The following PSG6 variants were observed in gnomAD, a reference collection of about 807,000 sequenced individuals.
PSG6 encodes the protein pregnancy-specific beta-1-glycoprotein 6.
PSG6 carries 51 observed loss-of-function variants against 43.3 expected under a neutral mutation model. The ratio of observed to expected loss-of-function variants is 1.18; its 90% CI spans 0.94 to 1.49. PSG6 has a LOEUF of 1.49. Among genes scored for constraint, PSG6 ranks in the 40% most tolerant of loss-of-function variants. The pLI, the probability that PSG6 is intolerant of heterozygous loss-of-function variation, is 0.00. For synonymous variants in PSG6, 292 were observed against 197.6 expected, an observed-to-expected ratio of 1.48 and a Z score of -4.01; for missense variants, 770 against 522.2, an observed-to-expected ratio of 1.47 and a Z score of -4.62.
intron 2 of PSG6, chr19:42,915,886 C>T (rs1466037579): frequency 6.6e-6 from 4 of 605,624 alleles, no homozygotes; most frequent in East Asian, 6.3e-5. Flanking sequence ...CTGCTGAGTC[C>T]CCCCATCAGA....
At chr19:42,905,097 C>A (rs1342794747) in intron 5 of PSG6, among the ~76,000 whole-genome samples, 4 of 151,488 alleles carry the variant, frequency 2.6e-5, no homozygotes, top group Non-Finnish European at 4.4e-5. Context: ...AAGAGTGGAA[C>A]CTTTACCTAA....
intron 1 of PSG6, among the ~76,000 whole-genome samples, chr19:42,916,911 T>C (rs1371000198): frequency 6.6e-6 from 1 of 151,418 alleles, no homozygotes; most frequent in Non-Finnish European, 1.5e-5. Context: ...TGTCAACACC[T>C]GACCTCACAT....
Position 42,907,843 on chromosome 19 carries a change from T to G in PSG6, c.718A>C (p.Met240Leu). Residue 240 changes from methionine to leucine, a missense_variant, in exon 4 of 6, where the codon ATG becomes CTG. Physicochemically the swap from Met to Leu is conservative, Grantham distance 15. Transcript: ENST00000187910. ...VTLNLLPKLP[M>L]PYITINNLNP... ...AAGTTGTTGATGGTGATGTAAGGCA[T>G]GGGCAGCTTCGCTGTGTGGATAACA... is the stretch of plus-strand genomic sequence containing the variant. 1 of 1,611,382 alleles carries G rather than the reference T, an allele frequency of 6.2e-7. No individual in the cohort carries two copies. Among genetic ancestry groups the G allele is most frequent in the Non-Finnish European group, 8.5e-7 (1 of 1,179,024 alleles).
rs760600187 is a variant in PSG6 at position 42,916,187 on chromosome 19, T to C, written c.365A>G (p.His122Arg). Residue 122 changes from histidine (H) to arginine (R), a missense_variant, in exon 2 of 6, where the codon CAC (histidine) becomes CGC (arginine). Transcript: ENST00000187910. ...AGTCCCATCGCCTCGCTTTATGATG[T>C]GTAAGGTGTAGGATCCTGCATCCTC... Reference protein sequence around the residue: ...TQEDAGSYTLHIIKRGDGTGG... With the variant: ...TQEDAGSYTLRIIKRGDGTGG... 7.4e-6 allele frequency: 12 copies of C among 1,612,148 alleles called. No homozygotes were observed. Among genetic ancestry groups the C allele is most frequent in the Admixed American group, 3.3e-5 (2 of 59,912 alleles).
intron 2 of PSG6, among the ~76,000 whole-genome samples, chr19:42,914,512 C>T (rs1444279138): frequency 2.1e-5 from 3 of 143,132 alleles, no homozygotes; most frequent in East Asian, 2.4e-4. Context: ...GGACCAGGTG[C>T]CCCCAGCTCC....
intron 1 of PSG6, among the ~76,000 whole-genome samples, chr19:42,917,414 C>T (rs562651021): frequency 3.6e-5 from 5 of 140,142 alleles, no homozygotes; most frequent in Admixed American, 1.5e-4. Flanking sequence ...CCCAGGCTGG[C>T]GTGCAGTGGT....
intron 3 of PSG6, among the ~76,000 whole-genome samples, chr19:42,908,928 T>C (rs1972168627): frequency 6.6e-6 from 1 of 151,564 alleles, no homozygotes; most frequent in African/African-American, 2.4e-5. Flanking sequence ...TGTTCATGGG[T>C]GTGCAGTTTC....
intron 5 of PSG6, chr19:42,903,741 C>G: frequency 6.6e-7 from 1 of 1,505,830 alleles, no homozygotes; most frequent in Non-Finnish European, 8.9e-7. Flanking sequence ...AAAAAAAAAC[C>G]AATTAGCTGG....
chr19:42,911,169 C>A (rs1285375726), intron 2 of PSG6, among the ~76,000 whole-genome samples: 1 of 151,558 alleles, frequency 6.6e-6, no homozygotes, highest in Non-Finnish European at 1.5e-5. Context: ...TCTCCAACTG[C>A]CTGCCTGGCC....
rs1433852201 is a variant in PSG6, at chr19:42,917,856, C to T, written c.-64G>A. ...GCCTAGGATCCAGAGACTTCCTGAGCAGGGCTGTCAGGTGTGCTGTCCTTC... is the reference window on the plus strand; with the variant it reads ...GCCTAGGATCCAGAGACTTCCTGAGTAGGGCTGTCAGGTGTGCTGTCCTTC... On this transcript the variant is annotated 5_prime_UTR_variant, in exon 1 of 6. Transcript: ENST00000187910. 2.8e-5 allele frequency: 43 copies of T among 1,559,822 alleles called. 1 individual carries two copies. The highest frequency in any genetic ancestry group is 3.7e-5 in the Non-Finnish European group (42 of 1,145,046).
At chr19:42,915,885 C>T (rs571752246) in intron 2 of PSG6, 11 of 602,552 alleles carry the variant, frequency 1.8e-5, no homozygotes, top group South Asian at 1.4e-4. Context: ...CCTGCTGAGT[C>T]CCCCCATCAG....
chr19:42,906,419 C>T (rs45552639), intron 5 of PSG6, among the ~76,000 whole-genome samples: 1 of 151,418 alleles, frequency 6.6e-6, no homozygotes, highest in Non-Finnish European at 1.5e-5. Flanking sequence ...AGGGCCAGGC[C>T]AGTCACCAGA....
chr19:42,907,712 C>A lies in PSG6; in HGVS notation c.849G>T (p.Pro283=). The A allele has an allele frequency of 1.2e-6, 2 of 1,610,730 alleles. No homozygotes were observed. Among genetic ancestry groups the A allele is most frequent in the Non-Finnish European group, 1.7e-6 (2 of 1,179,070 alleles). Reference sequence around the variant, plus strand: ...TGTTTTCAATGGGTCGCTTTACCCTCGGACTGACCGGGAGGCTCTGACCAT... The same window carrying A: ...TGTTTTCAATGGGTCGCTTTACCCTAGGACTGACCGGGAGGCTCTGACCAT... ...WLNGQSLPVS[P]RVKRPIENRI... is the part of the protein sequence containing the mutation. Residue 283 remains proline (P), a synonymous_variant, in exon 4 of 6, where the codon CCG becomes CCT. Coordinates refer to ENST00000187910, the MANE Select transcript of PSG6 (RefSeq NM_001031850.4).
intron 3 of PSG6, chr19:42,909,722 G>T (rs1414451472): frequency 6.6e-6 from 1 of 151,632 alleles, no homozygotes; most frequent in African/African-American, 2.4e-5. Flanking sequence ...ATTGTTCATT[G>T]TTAGTGTATT....
chr19:42,908,238 C>G (rs1972156151), intron 3 of PSG6, among the ~76,000 whole-genome samples: 1 of 151,598 alleles, frequency 6.6e-6, no homozygotes, highest in Admixed American at 6.6e-5. Flanking sequence ...CTACTTTGCC[C>G]CCCTAGATGT....
In PSG6 at chr19:42,906,296, C is replaced by A. The variant is rs574591653; in HGVS notation, c.1240+626G>T. Among the ~76,000 whole-genome samples the A allele has an allele frequency of 4.5e-4, 68 of 151,652 alleles. 1 individual carries two copies. Among genetic ancestry groups the A allele is most frequent in the African/African-American group, 1.3e-3 (53 of 41,344 alleles). ...TCCCTCTCTTCTTATTTCCCTGCAG[C>A]CTGGCCCGGGGGAGGCTTGGCTTCA... On this transcript the variant is annotated intron_variant, in intron 5 of 5. Coordinates refer to ENST00000187910, the MANE Select transcript of PSG6 (RefSeq NM_001031850.4).
At chr19:42,908,144 C>A (rs1012821202) in intron 3 of PSG6, among the ~76,000 whole-genome samples, 2 of 151,618 alleles carry the variant, frequency 1.3e-5, no homozygotes, top group Non-Finnish European at 2.9e-5. Context: ...CCCTCCCAGT[C>A]CCTCCATAAT....
chr19:42,915,831 A>T (rs1972314480), intron 2 of PSG6: 1 of 522,734 alleles, frequency 1.9e-6, no homozygotes, highest in South Asian at 4.0e-5. Context: ...TCAGGGTCAA[A>T]TTTATGAAGA....
At position 42,910,611 on chromosome 19, in the gene PSG6, G is replaced by T. The variant is rs891566100; in HGVS notation, c.675C>A (p.Ser225Arg). ...GATTCAGGGTGACTGGGTCACTGCG[G>T]CTGGCACTCACTGGGTTCCGTATTT... The part of the protein sequence containing the change: ...ECEIRNPVSA[S>R]RSDPVTLNLL... The change falls in exon 3 of 6, where the codon AGC becomes AGA. Residue 225 changes from serine (S) to arginine (R), a missense_variant. Physicochemically the swap from Ser to Arg is moderately radical, Grantham distance 110 (BLOSUM62 -1). Coordinates refer to ENST00000187910, the MANE Select transcript of PSG6 (RefSeq NM_001031850.4). 1 of 1,612,368 alleles carries T rather than the reference G, an allele frequency of 6.2e-7. No homozygotes were observed. The highest frequency in any genetic ancestry group is 1.3e-5 in the African/African-American group (1 of 74,760).
Sources: gnomAD v4.1 joint callset for allele counts (sites outside exome capture counted in the v4.1 genomes callset) on GRCh38, gnomAD v4.1.1 for gene constraint, MANE v1.5 for transcripts, NCBI Gene and HGNC (gene_info 2026-07-23, HGNC 2026-07-21) for gene names.